ITIH5: variants seen among roughly 807,000 people sequenced by gnomAD.
ITIH5 encodes inter-alpha-trypsin inhibitor heavy chain H5.
Under a neutral mutation model 77.5 loss-of-function variants are expected in ITIH5, and 65 were observed. That is an observed-to-expected ratio of 0.84 (90% CI 0.69 to 1.03). ITIH5 has a LOEUF of 1.03. Ranked by LOEUF, ITIH5 falls within the 50% of genes least tolerant of loss-of-function variation. The pLI, the probability that ITIH5 is intolerant of heterozygous loss-of-function variation, is 0.00. For missense variants in ITIH5, 1,208 were observed against 1,213.1 expected (o/e 1.00, Z 0.06); for synonymous variants, 525 against 494.3 (o/e 1.06, Z -0.82).
intron 5 of ITIH5, among the ~76,000 whole-genome samples, chr10:7,633,514 A>G (rs1188964071): frequency 1.3e-5 from 2 of 152,192 alleles, no homozygotes; most frequent in East Asian, 3.8e-4. Flanking sequence ...ATGAGGAGGT[A>G]GATAGTGCAG....
chr10:7,599,294 C>A (rs1394740200), intron 7 of ITIH5, among the ~76,000 whole-genome samples: 2 of 152,146 alleles, frequency 1.3e-5, no homozygotes, highest in Non-Finnish European at 2.9e-5. Flanking sequence ...TAACAAGAAC[C>A]CAACCTACCT....
At chr10:7,634,016 A>C (rs61834796) in intron 5 of ITIH5, among the ~76,000 whole-genome samples, 1 of 149,176 alleles carries the variant, frequency 6.7e-6, no homozygotes. Context: ...TTGAATCCGG[A>C]AGGCGGAGCT....
intron 8 of ITIH5, among the ~76,000 whole-genome samples, chr10:7,581,718 CTTCT>C (rs1832557256): frequency 2.6e-5 from 3 of 113,778 alleles, no homozygotes; most frequent in African/African-American, 6.5e-5. Context: ...TTTTCTTTTC[CTTCT>C]TTTTTTTTTT....
intron 8 of ITIH5, 71 bp downstream of exon 8, chr10:7,585,830 A>C: frequency 1.6e-6 from 2 of 1,224,064 alleles, no homozygotes; most frequent in East Asian, 5.7e-5. Context: ...CTTGGCAAAA[A>C]AAAAAAAAAA....
At position 7,560,960 on chromosome 10, in the gene ITIH5, CTA is replaced by C. The variant is rs983524845; in HGVS notation, c.*2121_*2122del. The C allele has an allele frequency of 9.1e-5, 4 of 44,188 alleles. No individual in the cohort carries two copies. Among genetic ancestry groups the C allele is most frequent in the Non-Finnish European group, 3.0e-4 (4 of 13,338 alleles). The allele number at this position is 44,188 out of a possible 1,614,324, so 2.7% of individuals were successfully genotyped here. A position where few individuals can be genotyped will look rare whatever the true frequency, so the allele number is the denominator to read the frequency against. On this transcript the variant is annotated 3_prime_UTR_variant, in exon 14 of 14. Coordinates refer to ENST00000397146, the MANE Select transcript of ITIH5 (RefSeq NM_030569.7). ...AAGATTTTCTGGACAACAGAAAATA[CTA>C]TATTTTTTTTTTATCAAATGCAAAG...
intron 6 of ITIH5, among the ~76,000 whole-genome samples, chr10:7,616,376 G>T (rs1833367506): frequency 6.7e-6 from 1 of 150,202 alleles, no homozygotes; most frequent in East Asian, 2.0e-4. Flanking sequence ...TGCTACTTGA[G>T]AATTCTGCTT....
intron 6 of ITIH5, 43 bp from the exon 7 acceptor site, chr10:7,616,141 G>A (rs750378832): frequency 2.4e-5 from 28 of 1,174,422 alleles, no homozygotes; most frequent in Non-Finnish European, 2.7e-5. Flanking sequence ...TACCTAGAGC[G>A]GGGAGCAAAA....
At chr10:7,616,353 T>A (rs919569793) in intron 6 of ITIH5, among the ~76,000 whole-genome samples, 13 of 152,056 alleles carry the variant, frequency 8.5e-5, no homozygotes, top group Admixed American at 7.2e-4. Context: ...TAATTATCCA[T>A]CCCTTGGACT....
At chr10:7,593,121 T>C (rs59495908) in intron 7 of ITIH5, among the ~76,000 whole-genome samples, 12,445 of 152,106 alleles carry the variant, frequency 0.082, 624 homozygotes, top group East Asian at 0.23. Flanking sequence ...AGGACGGATA[T>C]TCTGCTTTAG....
intron 2 of ITIH5, among the ~76,000 whole-genome samples, chr10:7,653,556 A>G (rs949474541): frequency 6.6e-6 from 1 of 152,228 alleles, no homozygotes; most frequent in Non-Finnish European, 1.5e-5. Flanking sequence ...AGAATTAAAA[A>G]TACCCACATA....
chr10:7,601,069 C>T (rs905179425), intron 7 of ITIH5, among the ~76,000 whole-genome samples: 1 of 152,096 alleles, frequency 6.6e-6, no homozygotes, highest in Non-Finnish European at 1.5e-5. Flanking sequence ...TTTTTTGCTA[C>T]CAGTGGGGAA....
intron 10 of ITIH5, 27 bp downstream of exon 10, chr10:7,576,426 C>T (rs1832415163): frequency 6.6e-7 from 1 of 1,519,650 alleles, no homozygotes; most frequent in Non-Finnish European, 8.8e-7. Context: ...GCGTCCCCCA[C>T]ACCTGGCTGG....
intron 4 of ITIH5, 119 bp from the exon 5 acceptor site, chr10:7,637,597 G>T: frequency 2.0e-6 from 2 of 977,390 alleles, no homozygotes; most frequent in Non-Finnish European, 3.1e-6. Context: ...GAGACCCATG[G>T]GTGTGAGTGT....
intron 5 of ITIH5, among the ~76,000 whole-genome samples, chr10:7,627,827 C>CTTTTTTTTTTTTTTT (rs869139058): frequency 1.1e-5 from 1 of 90,804 alleles, no homozygotes; most frequent in African/African-American, 4.9e-5. Flanking sequence ...TGAAATTAAC[C>CTTTTTTTTTTTTTTT]TTTTTTTTTT....
chr10:7,596,005 C>A (rs1832887649), intron 7 of ITIH5, among the ~76,000 whole-genome samples: 1 of 152,210 alleles, frequency 6.6e-6, no homozygotes, highest in African/African-American at 2.4e-5. Context: ...GAGACTCCGT[C>A]TAAATTAATA....
chr10:7,599,178 C>T (rs1832966845), intron 7 of ITIH5, among the ~76,000 whole-genome samples: 1 of 152,134 alleles, frequency 6.6e-6, no homozygotes, highest in Non-Finnish European at 1.5e-5. Context: ...TTTCCCACTT[C>T]TCTTCATGTG....
chr10:7,623,195 G>A (rs1833501804), intron 5 of ITIH5, among the ~76,000 whole-genome samples: 1 of 152,210 alleles, frequency 6.6e-6, no homozygotes, highest in African/African-American at 2.4e-5. Flanking sequence ...TGTTTCCTGA[G>A]GGTCTGGGTT....
chr10:7,625,764 C>CAAAA (rs376876834), intron 5 of ITIH5, among the ~76,000 whole-genome samples: 1 of 117,864 alleles, frequency 8.5e-6, no homozygotes, highest in Non-Finnish European at 1.8e-5. Flanking sequence ...TATTCTGTCT[C>CAAAA]AAAAAAAAAA....
In ITIH5 at chr10:7,562,912, C is replaced by CCCCCCA; in HGVS notation, c.*170_*171insTGGGGG. 1 of 590,788 alleles carries CCCCCCA rather than the reference C, an allele frequency of 1.7e-6. No individual in the cohort carries two copies. The highest frequency in any genetic ancestry group is 3.0e-5 in the East Asian group (1 of 32,902). The allele number at this position is 590,788 out of a possible 1,614,324, so 36.6% of individuals were successfully genotyped here. ...TGCACTCAGGCTTCCCGCCCCTACC[C>CCCCCCA]ACCCCTACCCTTCGCCCAGACAGAC... On this transcript the variant is annotated 3_prime_UTR_variant, in exon 14 of 14. Transcript: ENST00000397146.
Sources: gnomAD v4.1 joint callset for allele counts (sites outside exome capture counted in the v4.1 genomes callset) on GRCh38, gnomAD v4.1.1 for gene constraint, MANE v1.5 for transcripts, NCBI Gene and HGNC (gene_info 2026-07-23, HGNC 2026-07-21) for gene names.